MYO5B: variants seen among roughly 807,000 people sequenced by gnomAD.
MYO5B encodes the protein unconventional myosin-Vb.
MYO5B carries 143 observed loss-of-function variants against 229.3 expected under a neutral mutation model. The observed-to-expected ratio is 0.62, with a 90% CI of 0.54 to 0.72. The LOEUF (loss-of-function observed/expected upper bound fraction) is 0.72. MYO5B is among the 30% of genes least tolerant of loss of function. The pLI is 0.00. For synonymous variants in MYO5B, 918 were observed against 885.2 expected (o/e 1.04, Z -0.66); for missense variants, 2,321 against 2,331.0 (o/e 1.00, Z 0.09).
At chr18:49,833,128 G>T (rs2023943246) in intron 39 of MYO5B, among the ~76,000 whole-genome samples, 1 of 152,144 alleles carries the variant, frequency 6.6e-6, no homozygotes, top group African/African-American at 2.4e-5. Flanking sequence ...AATGGGAAAA[G>T]AAAGTGAAAT....
At chr18:49,983,649 G>C (rs1181879355) in intron 8 of MYO5B, among the ~76,000 whole-genome samples, 3 of 152,134 alleles carry the variant, frequency 2.0e-5, no homozygotes, top group Non-Finnish European at 4.4e-5. Flanking sequence ...CCCTTTTGTA[G>C]TCAATCACCT....
chr18:50,037,446 C>G (rs2026461761), intron 3 of MYO5B, among the ~76,000 whole-genome samples: 2 of 152,166 alleles, frequency 1.3e-5, no homozygotes, highest in Admixed American at 1.3e-4. Flanking sequence ...AACATGCGGA[C>G]AGAGAATACA....
At chr18:50,143,648 C>A (rs146678481) in intron 1 of MYO5B, among the ~76,000 whole-genome samples, 150 of 152,144 alleles carry the variant, frequency 9.9e-4, no homozygotes, top group African/African-American at 3.3e-3. Context: ...TTAGAAAGCC[C>A]CCAAATGACT....
intron 18 of MYO5B, among the ~76,000 whole-genome samples, chr18:49,911,350 T>C (rs1473084980): frequency 6.6e-6 from 1 of 152,174 alleles, no homozygotes; most frequent in Non-Finnish European, 1.5e-5. Context: ...TTAGAGATAG[T>C]TATAGAAACA....
intron 14 of MYO5B, among the ~76,000 whole-genome samples, chr18:49,945,756 G>A: frequency 1.5e-5 from 1 of 68,414 alleles, no homozygotes; most frequent in South Asian, 4.6e-4. Flanking sequence ...GGGAGGAGGG[G>A]AGGAGGAGGA....
intron 4 of MYO5B, among the ~76,000 whole-genome samples, chr18:50,034,760 A>G (rs1157320080): frequency 1.3e-5 from 2 of 152,130 alleles, no homozygotes; most frequent in Non-Finnish European, 1.5e-5. Flanking sequence ...AAAACAAAAC[A>G]AAACAAAAAA....
intron 14 of MYO5B, among the ~76,000 whole-genome samples, chr18:49,940,974 C>A (rs2025307271): frequency 6.6e-6 from 1 of 152,164 alleles, no homozygotes; most frequent in Non-Finnish European, 1.5e-5. Flanking sequence ...TTACAAAGTT[C>A]ATACATCTTA....
At chr18:50,036,706 A>T in intron 4 of MYO5B, 144 bp downstream of exon 4, 1 of 916,092 alleles carries the variant, frequency 1.1e-6, no homozygotes. Context: ...TAGGCAGTAG[A>T]ACTTGGGCTG....
chr18:49,854,949 A>G (rs1403017683), intron 30 of MYO5B, among the ~76,000 whole-genome samples: 1 of 152,210 alleles, frequency 6.6e-6, no homozygotes, highest in Admixed American at 6.5e-5. Context: ...ACAAAGTTAC[A>G]TGAATGAAGA....
chr18:49,935,516 A>G (rs2025239693), intron 16 of MYO5B, among the ~76,000 whole-genome samples: 1 of 152,226 alleles, frequency 6.6e-6, no homozygotes, highest in African/African-American at 2.4e-5. Context: ...AACAAAGACC[A>G]ATGAAAGAGG....
At chr18:50,188,119 G>A (rs1480106684) in intron 1 of MYO5B, among the ~76,000 whole-genome samples, 2 of 152,180 alleles carry the variant, frequency 1.3e-5, no homozygotes, top group African/African-American at 4.8e-5. Flanking sequence ...GTTTCTGTAA[G>A]TGTATATTTC....
At chr18:50,037,507 G>T (rs1476808980) in intron 3 of MYO5B, among the ~76,000 whole-genome samples, 2 of 152,122 alleles carry the variant, frequency 1.3e-5, no homozygotes, top group South Asian at 2.1e-4. Flanking sequence ...TGTCATTTTT[G>T]GCAATTACTT....
At chr18:50,055,164 A>C (rs1053352550) in intron 2 of MYO5B, 104 bp downstream of exon 2, 1 of 800,684 alleles carries the variant, frequency 1.2e-6, no homozygotes, top group South Asian at 1.5e-5. Context: ...TCCAATGTCC[A>C]GGGAAAACTC....
At chr18:49,935,177 T>C (rs1030863201) in intron 16 of MYO5B, among the ~76,000 whole-genome samples, 4 of 152,146 alleles carry the variant, frequency 2.6e-5, no homozygotes, top group South Asian at 4.2e-4. Flanking sequence ...TCATGGGACT[T>C]TGACGTCAGT....
chr18:49,990,842 G>T (rs189708602), intron 6 of MYO5B, among the ~76,000 whole-genome samples: 1 of 152,298 alleles, frequency 6.6e-6, no homozygotes, highest in Admixed American at 6.5e-5. Flanking sequence ...TCAGTCTTCT[G>T]TGCTGCTTGG....
At chr18:50,160,040 G>A (rs909744690) in intron 1 of MYO5B, among the ~76,000 whole-genome samples, 25 of 152,318 alleles carry the variant, frequency 1.6e-4, no homozygotes, top group Non-Finnish European at 2.6e-4. Context: ...CATGGCCAGG[G>A]GTGCAAATGG....
intron 28 of MYO5B, 121 bp from the exon 29 acceptor site, chr18:49,863,448 T>G (rs2024355773): frequency 1.2e-6 from 1 of 839,430 alleles, no homozygotes; most frequent in Non-Finnish European, 2.0e-6. Context: ...AGAACAGAGA[T>G]AACCACAATC....
intron 17 of MYO5B, among the ~76,000 whole-genome samples, chr18:49,914,205 T>C (rs994612540): frequency 6.6e-6 from 1 of 152,178 alleles, no homozygotes; most frequent in African/African-American, 2.4e-5. Context: ...CACCCCTAGA[T>C]GCTGCTGTGG....
chr18:49,978,042 A>G (rs1051431842), intron 9 of MYO5B, among the ~76,000 whole-genome samples: 4 of 152,184 alleles, frequency 2.6e-5, no homozygotes, highest in Non-Finnish European at 4.4e-5. Context: ...TTGCAGAACA[A>G]TGGAAGACCA....
Sources: gnomAD v4.1 joint callset for allele counts (sites outside exome capture counted in the v4.1 genomes callset) on GRCh38, gnomAD v4.1.1 for gene constraint, MANE v1.5 for transcripts, NCBI Gene and HGNC (gene_info 2026-07-23, HGNC 2026-07-21) for gene names.